Variants in MAP3K4 observed in about 807,000 individuals in gnomAD.
MAP3K4 encodes the protein mitogen-activated protein kinase kinase kinase 4.
In MAP3K4, 67 loss-of-function variants were observed where a neutral mutation model predicts 185.6. The observed-to-expected ratio is 0.36, with a 90% CI of 0.30 to 0.44. The LOEUF (loss-of-function observed/expected upper bound fraction) is 0.44, where lower values mean the gene tolerates loss of function less well. MAP3K4 is among the 20% of genes least tolerant of loss of function. The pLI is 1.00. For synonymous variants in MAP3K4, 702 were observed against 710.4 expected (o/e 0.99, Z 0.19); for missense variants, 1,551 against 1,995.1 (o/e 0.78, Z 4.24).
At chr6:160,994,825 C>G (rs138219756) in intron 1 of MAP3K4, among the ~76,000 whole-genome samples, 3,271 of 152,198 alleles carry the variant, frequency 0.021, 122 homozygotes, top group African/African-American at 0.076. Flanking sequence ...CTCAGCCTCC[C>G]GGGTAGCTGG....
Position 161,080,974 on chromosome 6 carries a change from A to T in MAP3K4, c.2191A>T (p.Asn731Tyr). ...SLKNLLEEEW[N>Y]FTKEITHYIR... ...AAAAAATCTGTTAGAAGAAGAATGG[A>T]ATTTCACCAAAGAAATAACTCATTA... The change falls in exon 6 of 27, where the codon AAT becomes TAT. Residue 731 changes from asparagine to tyrosine, a missense_variant. Asn to Tyr is a moderately radical substitution (Grantham distance 143, BLOSUM62 -2). This residue lies in a region of MAP3K4 where 130 missense variants were observed against 171.3 expected (regional missense o/e 0.76). Coordinates refer to ENST00000392142, the MANE Select transcript of MAP3K4 (RefSeq NM_005922.4). The surrounding 1 kb of genome is among the most constrained non-coding windows in gnomAD (Gnocchi z 4.8). 6.2e-7 allele frequency: 1 copy of T among 1,614,198 alleles called. No individual in the cohort carries two copies. Among genetic ancestry groups the T allele is most frequent in the Non-Finnish European group, 8.5e-7 (1 of 1,180,028 alleles).
Position 161,110,811 on chromosome 6 carries a change from G to A in MAP3K4, c.4396+897G>A, listed in dbSNP as rs1420041562. On this transcript the variant is annotated intron_variant, in intron 23 of 26. Transcript: ENST00000392142. The surrounding 1 kb of genome is among the most constrained non-coding windows in gnomAD (Gnocchi z 4.8). Reference sequence around the variant, plus strand: ...GCCTGCCTGTCCGCTACCTTGCTTTGGTGTCTGGGGTCATCCTGATGTTGG... The same window carrying A: ...GCCTGCCTGTCCGCTACCTTGCTTTAGTGTCTGGGGTCATCCTGATGTTGG... Among the ~76,000 whole-genome samples, 1 of 152,118 alleles carries A rather than the reference G, an allele frequency of 6.6e-6. No individual in the cohort carries two copies. The highest frequency in any genetic ancestry group is 1.5e-5 in the Non-Finnish European group (1 of 68,038).
At chr6:161,046,880 C>T (rs1165237798) in intron 2 of MAP3K4, among the ~76,000 whole-genome samples, 1 of 148,292 alleles carries the variant, frequency 6.7e-6, no homozygotes, top group Non-Finnish European at 1.5e-5. Flanking sequence ...CAACTAATCA[C>T]CTAAAACTAG....
rs1777807604 is a variant in MAP3K4, at chr6:161,100,778, C to A, written c.3675-1114C>A. On this transcript the variant is annotated intron_variant, in intron 17 of 26. Coordinates refer to ENST00000392142, the MANE Select transcript of MAP3K4 (RefSeq NM_005922.4). The surrounding 1 kb of genome is among the most constrained non-coding windows in gnomAD (Gnocchi z 5.8). The stretch of plus-strand genomic sequence containing the variant: ...GGTGTTTAGTGACTTCTTGGTCTCA[C>A]CAGTGGTCTTTGTTGCTGCTTAGGA... Among the ~76,000 whole-genome samples the A allele has an allele frequency of 6.6e-6, 1 of 152,130 alleles. No individual in the cohort carries two copies. Among genetic ancestry groups the A allele is most frequent in the South Asian group, 2.1e-4 (1 of 4,830 alleles).
rs1467539165 is a variant in MAP3K4 at position 161,088,122 on chromosome 6, T to C, written c.2823+168T>C. Among the ~76,000 whole-genome samples, 1 of 152,214 alleles carries C rather than the reference T, an allele frequency of 6.6e-6. No individual in the cohort carries two copies. The highest frequency in any genetic ancestry group is 1.5e-5 in the Non-Finnish European group (1 of 68,036). On this transcript the variant is annotated intron_variant, in intron 10 of 26. Coordinates refer to ENST00000392142, the MANE Select transcript of MAP3K4 (RefSeq NM_005922.4). The surrounding 1 kb of genome is among the most constrained non-coding windows in gnomAD (Gnocchi z 4.5). ...ATAGGTCATTTTGCAGCATAATTTG[T>C]ACAATATATCATTCTGTTAAGTTAA...
intron 1 of MAP3K4, among the ~76,000 whole-genome samples, chr6:161,010,530 A>C (rs1309709378): frequency 6.6e-6 from 1 of 152,168 alleles, no homozygotes; most frequent in African/African-American, 2.4e-5. Flanking sequence ...AAATCATGTT[A>C]TTCCATTAAA....
intron 3 of MAP3K4, among the ~76,000 whole-genome samples, chr6:161,058,878 T>C (rs1784365328): frequency 6.6e-6 from 1 of 152,178 alleles, no homozygotes. Context: ...ATGTAATTTT[T>C]TTGCTTGTGT....
intron 3 of MAP3K4, among the ~76,000 whole-genome samples, chr6:161,068,573 C>T (rs1328219930): frequency 6.6e-6 from 1 of 152,140 alleles, no homozygotes; most frequent in Admixed American, 6.5e-5. Context: ...ATTAGAAGGG[C>T]TAAGACAAGC....
intron 1 of MAP3K4, among the ~76,000 whole-genome samples, chr6:161,026,421 C>T (rs1004273452): frequency 2.6e-5 from 4 of 152,074 alleles, no homozygotes; most frequent in Admixed American, 6.5e-5. Context: ...AGGCATGAGC[C>T]ACCGTGCCCG....
chr6:161,086,347 G>A lies in MAP3K4; in HGVS notation c.2373-32G>A, dbSNP rs1403392960. ...TTGCACCTCTGGAATATTCCCTAAT[G>A]TGTTCTAACTGGACTTGAATCCACT... is the stretch of plus-strand genomic sequence containing the variant. On this transcript the variant is annotated intron_variant, in intron 7 of 26. Transcript: ENST00000392142. The surrounding 1 kb of genome is among the most constrained non-coding windows in gnomAD (Gnocchi z 4.8). 3.9e-6 allele frequency: 5 copies of A among 1,285,808 alleles called. No homozygotes were observed. In the African/African-American group the frequency reaches 5.9e-5, roughly 15 times the overall value. The allele number at this position is 1,285,808 out of a possible 1,614,324, so 79.6% of individuals were successfully genotyped here. A position where few individuals can be genotyped will look rare whatever the true frequency, so the allele number is the denominator to read the frequency against.
chr6:161,055,558 A>C (rs1255978879), intron 3 of MAP3K4, among the ~76,000 whole-genome samples: 1 of 152,132 alleles, frequency 6.6e-6, no homozygotes, highest in Non-Finnish European at 1.5e-5. Context: ...GCTGTTAACT[A>C]AACTACAGAC....
At chr6:161,002,949 C>T (rs1365590465) in intron 1 of MAP3K4, among the ~76,000 whole-genome samples, 1 of 152,146 alleles carries the variant, frequency 6.6e-6, no homozygotes, top group Non-Finnish European at 1.5e-5. Context: ...GCTGCCATAT[C>T]ATGAGCATTT....
chr6:161,087,613 T>C lies in MAP3K4; in HGVS notation c.2557-75T>C. 1 of 1,505,726 alleles carries C rather than the reference T, an allele frequency of 6.6e-7. No homozygotes were observed. Among genetic ancestry groups the C allele is most frequent in the Non-Finnish European group, 9.1e-7 (1 of 1,096,928 alleles). 93.3% of individuals were successfully genotyped at this position (1,505,726 alleles called of 1,614,324 possible). A position where few individuals can be genotyped will look rare whatever the true frequency, so the allele number is the denominator to read the frequency against. On this transcript the variant is annotated intron_variant, in intron 9 of 26. Transcript: ENST00000392142. The surrounding 1 kb of genome is among the most constrained non-coding windows in gnomAD (Gnocchi z 4.9). ...CCCTTTCCCAAACCTGCCTCTCCTT[T>C]CCTAGGTTTGTTTTAAATAACCTAT...
chr6:161,021,548 T>G (rs1434336625), intron 1 of MAP3K4, among the ~76,000 whole-genome samples: 4 of 152,266 alleles, frequency 2.6e-5, no homozygotes, highest in Non-Finnish European at 5.9e-5. Context: ...AGAAGCCTTC[T>G]TTGTTACCAT....
At chr6:161,046,517 A>T (rs1211228459) in intron 2 of MAP3K4, among the ~76,000 whole-genome samples, 1 of 62,744 alleles carries the variant, frequency 1.6e-5, no homozygotes, top group Non-Finnish European at 3.8e-5. Flanking sequence ...AAAAATTTTA[A>T]ATTTAAAAAA....
At chr6:161,005,987 C>T (rs1181715407) in intron 1 of MAP3K4, among the ~76,000 whole-genome samples, 1 of 152,182 alleles carries the variant, frequency 6.6e-6, no homozygotes, top group Non-Finnish European at 1.5e-5. Context: ...GGGGTTTTGC[C>T]ATCTTGGCCA....
At position 161,098,277 on chromosome 6, in the gene MAP3K4, G is replaced by C; in HGVS notation, c.3525-1G>C. 6.2e-7 allele frequency: 1 copy of C among 1,611,878 alleles called. No homozygotes were observed. The highest frequency in any genetic ancestry group is 8.5e-7 in the Non-Finnish European group (1 of 1,179,004). ...TCCTGAAGCTTTTCTTCTTGTCTTA[G>C]CACTCGGAGCATGCCTTCCGACGCG... On this transcript the variant is annotated splice_acceptor_variant, in intron 16 of 26. Coordinates refer to ENST00000392142, the MANE Select transcript of MAP3K4 (RefSeq NM_005922.4). LOFTEE classifies it high-confidence loss of function. This position sits in a 1 kb window ranked among gnomAD's most constrained non-coding sequence, Gnocchi z 4.4.
Position 161,022,161 on chromosome 6 carries a change from G to A in MAP3K4, c.153-12098G>A, listed in dbSNP as rs1381323519. Reference sequence around the variant, plus strand: ...AGGAACGGAGACTCAAGCCTGATCTGATGAGGCTGTGTTAGAAGTGCTGCA... The same window carrying A: ...AGGAACGGAGACTCAAGCCTGATCTAATGAGGCTGTGTTAGAAGTGCTGCA... On this transcript the variant is annotated intron_variant, in intron 1 of 26. Transcript: ENST00000392142. This position sits in a 1 kb window ranked among gnomAD's most constrained non-coding sequence, Gnocchi z 4.2. The A allele has an allele frequency of 1.3e-5, 2 of 152,210 alleles. No individual in the cohort carries two copies. The allele number at this position is 152,210 out of a possible 1,614,324, so 9.4% of individuals were successfully genotyped here. A position where few individuals can be genotyped will look rare whatever the true frequency, so the allele number is the denominator to read the frequency against.
chr6:161,115,194 C>A lies in MAP3K4; in HGVS notation c.4698C>A (p.Ile1566=). 6.2e-7 allele frequency: 1 copy of A among 1,614,128 alleles called. No homozygotes were observed. The change falls in exon 26 of 27, where the codon ATC becomes ATA. Residue 1566 remains isoleucine, a synonymous_variant. Coordinates refer to ENST00000392142, the MANE Select transcript of MAP3K4 (RefSeq NM_005922.4). This position sits in a 1 kb window ranked among gnomAD's most constrained non-coding sequence, Gnocchi z 6.0. ...YKVGMGHKPP[I]PERLSPEGKD... ...TGGGGATGGGACATAAGCCACCAAT[C>A]CCTGAAAGATTAAGCCCTGAAGGAA...
Sources: allele counts gnomAD v4.1 joint callset (sites outside exome capture counted in the v4.1 genomes callset), GRCh38; gene constraint gnomAD v4.1.1; regional missense constraint gnomAD v4.1.1; non-coding constraint Gnocchi (gnomAD v3.1); transcripts MANE v1.5; gene names NCBI Gene and HGNC (gene_info 2026-07-23, HGNC 2026-07-21).